Variants in ABR observed in about 807,000 individuals in gnomAD.
ABR encodes the protein active breakpoint cluster region-related protein.
A neutral mutation model predicts 107.2 loss-of-function variants in ABR; 35 were observed. That is an observed-to-expected ratio of 0.33 (90% CI 0.25 to 0.43). The LOEUF (loss-of-function observed/expected upper bound fraction) is 0.43. ABR is among the 20% of genes least tolerant of loss of function. ABR has a pLI of 1.00. For missense variants in ABR, 815 were observed against 1,115.2 expected, an observed-to-expected ratio of 0.73 and a Z score of 3.83; for synonymous variants, 498 against 462.0, an observed-to-expected ratio of 1.08 and a Z score of -1.00.
In ABR at chr17:1,200,389, T is replaced by A. The variant is rs1244905988; in HGVS notation, c.838+28404A>T. On this transcript the variant is annotated intron_variant, in intron 1 of 22. Coordinates refer to the ABR transcript ENST00000574139. This position sits in a 1 kb window ranked among gnomAD's most constrained non-coding sequence, Gnocchi z 4.1. ...CTGTCTCCATTAAAAAAAATTTTTT[T>A]AAATAAAGTCTATGGGAGACGTGAT... Among the ~76,000 whole-genome samples the A allele has an allele frequency of 6.6e-6, 1 of 152,024 alleles. No homozygotes were observed. The highest frequency in any genetic ancestry group is 2.4e-5 in the African/African-American group (1 of 41,382).
intron 5 of ABR, among the ~76,000 whole-genome samples, chr17:1,079,984 A>G (rs1485357992): frequency 4.6e-5 from 7 of 151,786 alleles, no homozygotes; most frequent in Non-Finnish European, 1.0e-4. Flanking sequence ...GCTGGCAGGG[A>G]GCCCTGTGAT....
intron 3 of ABR, among the ~76,000 whole-genome samples, chr17:1,098,438 T>C (rs890634834): frequency 1.3e-5 from 2 of 152,150 alleles, no homozygotes; most frequent in African/African-American, 4.8e-5. Flanking sequence ...CAATTACATA[T>C]ATATACAGGC....
intron 2 of ABR, chr17:1,108,799 TGCCGGGGC>T (rs2038438764): frequency 6.5e-6 from 6 of 929,216 alleles, no homozygotes; most frequent in African/African-American, 2.4e-5. Context: ...CGGGAACAGC[TGCCGGGGC>T]CGGGACCCTC....
chr17:1,006,215 C>T, intron 22 of ABR, 46 bp from the exon 23 acceptor site: 1 of 1,478,330 alleles, frequency 6.8e-7, no homozygotes, highest in East Asian at 2.5e-5. Flanking sequence ...TGTCCTAGGC[C>T]TCGTCCTTGC....
intron 1 of ABR, among the ~76,000 whole-genome samples, chr17:1,162,637 C>T (rs1809181950): frequency 6.6e-6 from 1 of 152,242 alleles, no homozygotes; most frequent in African/African-American, 2.4e-5. Context: ...CATCTGCTTC[C>T]TGACGGGCCC....
chr17:1,121,143 G>T (rs1037597046), intron 2 of ABR, among the ~76,000 whole-genome samples: 1 of 152,222 alleles, frequency 6.6e-6, no homozygotes, highest in Non-Finnish European at 1.5e-5. Context: ...CAGGGCTTCA[G>T]GTTTCACCCT....
chr17:1,176,869 C>CAA (rs67373798), intron 1 of ABR, among the ~76,000 whole-genome samples: 2,486 of 139,146 alleles, frequency 0.018, 143 homozygotes, highest in Admixed American at 0.13. Context: ...AAACAAAAAA[C>CAA]AAAAAAAAAA....
At chr17:1,022,795 T>C (rs1319195893) in intron 16 of ABR, among the ~76,000 whole-genome samples, 1 of 152,216 alleles carries the variant, frequency 6.6e-6, no homozygotes, top group African/African-American at 2.4e-5. Context: ...CAGCCACAGA[T>C]AGGCTCGGGC....
At chr17:1,049,961 A>G (rs918609155) in intron 16 of ABR, 89 bp downstream of exon 16, 16 of 1,504,414 alleles carry the variant, frequency 1.1e-5, no homozygotes, top group Non-Finnish European at 1.4e-5. Context: ...CAAAATCACG[A>G]AAGAGCAGGC....
At chr17:1,047,336 G>A (rs539797466) in intron 16 of ABR, among the ~76,000 whole-genome samples, 6 of 152,376 alleles carry the variant, frequency 3.9e-5, no homozygotes, top group East Asian at 1.9e-4. Flanking sequence ...GGGACAGACC[G>A]TTCCGTGGCT....
intron 18 of ABR, chr17:1,012,336 G>A (rs780829016): frequency 3.1e-6 from 2 of 641,194 alleles, no homozygotes; most frequent in Non-Finnish European, 5.8e-6. Context: ...GGGCCAGGGT[G>A]GTGGTGAACC....
In ABR at chr17:1,076,720, GGGT is replaced by G. The variant is rs1425850468; in HGVS notation, c.700+2607_700+2609del. On this transcript the variant is annotated intron_variant, in intron 6 of 22. Transcript: ENST00000302538. Reference sequence around the variant, plus strand: ...GGCCAGGAGGGCAGGTGCACGGGGGGGGTGGGGGTGGGGGGGGTGGCGGCACTG... The same window carrying G: ...GGCCAGGAGGGCAGGTGCACGGGGGGGGGGGTGGGGGGGGTGGCGGCACTG... 2.3e-3 allele frequency among the ~76,000 whole-genome samples: 253 copies of G among 112,360 alleles called. 7 individuals are homozygous for G. The highest frequency in any genetic ancestry group is 3.2e-3 in the Non-Finnish European group (177 of 55,610). 73.7% of individuals were successfully genotyped at this position (112,360 alleles called of 152,430 possible).
chr17:1,073,413 G>A (rs946168928), intron 7 of ABR, among the ~76,000 whole-genome samples: 1 of 152,102 alleles, frequency 6.6e-6, no homozygotes, highest in Non-Finnish European at 1.5e-5. Flanking sequence ...CTCCCCGGGA[G>A]CACCTGGCCA....
chr17:1,148,986 C>T lies in ABR; in HGVS notation c.62-23619G>A, dbSNP rs945375946. Among the ~76,000 whole-genome samples the T allele has an allele frequency of 2.0e-5, 3 of 151,262 alleles. No homozygotes were observed. Among genetic ancestry groups the T allele is most frequent in the African/African-American group, 4.9e-5 (2 of 40,908 alleles). On this transcript the variant is annotated intron_variant, in intron 1 of 22. Coordinates refer to ENST00000302538, the MANE Select transcript of ABR (RefSeq NM_021962.5). The surrounding 1 kb of genome is among the most constrained non-coding windows in gnomAD (Gnocchi z 4.9). ...GCGCCATCTCGGCTCACTGCAAGCT[C>T]CGCCTCCTGGGTTCACGCCATTCTC...
At chr17:1,176,120 G>A (rs1365388256) in intron 1 of ABR, among the ~76,000 whole-genome samples, 1 of 151,962 alleles carries the variant, frequency 6.6e-6, no homozygotes, top group Non-Finnish European at 1.5e-5. Context: ...AAGTGTGTGA[G>A]GGGAGGGGCT....
rs1348906447 is a variant in ABR at position 1,084,679 on chromosome 17, TA to T, written c.532-1053del. ...TGCGCTGTATATAAGCACTTCCTCT[TA>T]AGGGACCAAAGGGTAGAAATTCAAA... is the stretch of plus-strand genomic sequence containing the variant. On this transcript the variant is annotated intron_variant, in intron 4 of 22. Transcript: ENST00000302538. The surrounding 1 kb of genome is among the most constrained non-coding windows in gnomAD (Gnocchi z 4.2). 6.6e-6 allele frequency among the ~76,000 whole-genome samples: 1 copy of T among 152,164 alleles called. No individual in the cohort carries two copies. Among genetic ancestry groups the T allele is most frequent in the Non-Finnish European group, 1.5e-5 (1 of 68,028 alleles).
intron 1 of ABR, chr17:1,153,976 C>CG: frequency 1.2e-5 from 2 of 165,600 alleles, no homozygotes; most frequent in South Asian, 1.4e-4. Context: ...TGATGCAATT[C>CG]TCGGCAGCGA....
intron 1 of ABR, among the ~76,000 whole-genome samples, chr17:1,212,473 C>T (rs9675131): frequency 0.054 from 8,270 of 151,844 alleles, 566 homozygotes; most frequent in African/African-American, 0.15. Context: ...CAAAAAGAGA[C>T]GCCAGGCACA....
intron 1 of ABR, among the ~76,000 whole-genome samples, chr17:1,221,243 G>A (rs976292230): frequency 2.6e-5 from 4 of 152,116 alleles, no homozygotes; most frequent in South Asian, 2.1e-4. Context: ...CTTATACCTC[G>A]AGGTGACTAA....
Sources: allele counts gnomAD v4.1 joint callset (sites outside exome capture counted in the v4.1 genomes callset), GRCh38; gene constraint gnomAD v4.1.1; non-coding constraint Gnocchi (gnomAD v3.1); transcripts MANE v1.5; gene names NCBI Gene and HGNC (gene_info 2026-07-23, HGNC 2026-07-21).